Variants in NEB observed in about 807,000 individuals in gnomAD.
NEB encodes nemaline myopathy type 2.
Under a neutral mutation model 952.2 loss-of-function variants are expected in NEB, and 512 were observed. The observed-to-expected ratio is 0.54, with a 90% confidence interval of 0.50 to 0.58. NEB has a LOEUF of 0.58. NEB is among the 20% of genes least tolerant of loss of function. The pLI is 0.00. For missense variants in NEB, 8,428 were observed against 9,231.1 expected (o/e 0.91, Z 3.56); for synonymous variants, 2,900 against 3,149.8 (o/e 0.92, Z 2.66).
intron 174 of NEB, 89 bp downstream of exon 174, chr2:151,494,072 G>T: frequency 8.6e-7 from 1 of 1,167,568 alleles, no homozygotes; most frequent in Non-Finnish European, 1.2e-6. Context: ...CATTTTGTTT[G>T]TTTTTAACCT....
chr2:151,704,120 T>C (rs2099690151), intron 13 of NEB, among the ~76,000 whole-genome samples: 4 of 72,958 alleles, frequency 5.5e-5, no homozygotes, highest in South Asian at 5.9e-4. Flanking sequence ...TACCCTGCCG[T>C]GTGAGGTGTC....
At chr2:151,657,118 G>T (rs1239922928) in intron 48 of NEB, among the ~76,000 whole-genome samples, 1 of 152,160 alleles carries the variant, frequency 6.6e-6, no homozygotes, top group Non-Finnish European at 1.5e-5. Flanking sequence ...TCCTTTTGGG[G>T]TTGCGTGTGC....
intron 13 of NEB, 100 bp from the exon 14 acceptor site, chr2:151,697,748 A>C: frequency 1.3e-6 from 1 of 799,130 alleles, no homozygotes; most frequent in Non-Finnish European, 2.0e-6. Flanking sequence ...TGAAGAAAAG[A>C]TATCGCCTGT....
chr2:151,619,977 G>A (rs1410793262), intron 72 of NEB, among the ~76,000 whole-genome samples: 1 of 152,034 alleles, frequency 6.6e-6, no homozygotes, highest in East Asian at 1.9e-4. Flanking sequence ...AGAATCATAT[G>A]TTGGCAAAAA....
At chr2:151,713,332 T>C (rs2099750389) in intron 10 of NEB, among the ~76,000 whole-genome samples, 2 of 152,294 alleles carry the variant, frequency 1.3e-5, no homozygotes, top group Non-Finnish European at 1.5e-5. Context: ...AAGTTATCCC[T>C]GCAGAAAAGG....
chr2:151,548,447 A>T, intron 130 of NEB, 32 bp from the exon 131 acceptor site: 2 of 1,359,274 alleles, frequency 1.5e-6, no homozygotes, highest in Non-Finnish European at 2.1e-6. Flanking sequence ...GAGATCAATG[A>T]TGGGTAAACA....
chr2:151,567,332 C>T lies in NEB; in HGVS notation c.17992G>A (p.Ala5998Thr), dbSNP rs2096450121. ...LYKEDYHKTK[A>T]KINIPADMVS... ...ATATCAGCAGGTATATTGATTTTGGCCTTTGTTTTGTGATAGTCCTCTTTG... is the reference window on the plus strand; with the variant it reads ...ATATCAGCAGGTATATTGATTTTGGTCTTTGTTTTGTGATAGTCCTCTTTG... The change falls in exon 114 of 182, where the codon GCC becomes ACC. Residue 5998 changes from alanine to threonine, a missense_variant. Transcript: ENST00000397345. 2 of 1,613,876 alleles carry T rather than the reference C, an allele frequency of 1.2e-6. No individual in the cohort carries two copies. The highest frequency in any genetic ancestry group is 1.7e-6 in the Non-Finnish European group (2 of 1,179,830).
At chr2:151,655,729 A>G in intron 50 of NEB, 88 bp downstream of exon 50, 1 of 1,368,324 alleles carries the variant, frequency 7.3e-7, no homozygotes, top group East Asian at 2.3e-5. Flanking sequence ...GGAATGATGG[A>G]CCTTAATTAG....
rs202050860 is a variant in NEB, at chr2:151,524,358, G to A, written c.22432C>T (p.Arg7478Cys). The change falls in exon 153 of 182, where the codon CGC becomes TGC. Residue 7478 changes from arginine (R) to cysteine (C), a missense_variant. This residue lies in a region of NEB where 3,374 missense variants were observed against 3,651.5 expected (regional missense o/e 0.92). Transcript: ENST00000397345. ...TTCTTGGCCATTTCTATGTCTGGGC[G>A]ACCGAGCATGCTTAAGCCATGGCTG... ...EGSHGLSMLG[R>C]PDIEMAKKAA... 1.4e-4 allele frequency: 227 copies of A among 1,613,718 alleles called. 1 individual carries two copies. Among genetic ancestry groups the A allele is most frequent in the African/African-American group, 2.8e-4 (21 of 74,912 alleles).
Position 151,644,059 on chromosome 2 carries a change from G to A in NEB, c.7715C>T (p.Pro2572Leu). 2 of 1,613,904 alleles carry A rather than the reference G, an allele frequency of 1.2e-6. No homozygotes were observed. The highest frequency in any genetic ancestry group is 1.7e-6 in the Non-Finnish European group (2 of 1,179,880). ...CACATGCATGGACCACATCATCTTG[G>A]GGTCATCTTCAATGTTCCGGGCACC... ...HIGARNIEDDPKMMWSMHVAK... is the reference protein window; with the variant it reads ...HIGARNIEDDLKMMWSMHVAK... The change falls in exon 57 of 182, where the codon CCC becomes CTC. Residue 2572 changes from proline to leucine, a missense_variant. By Grantham distance (98) the Pro-to-Leu change is moderately conservative. Transcript: ENST00000397345.
chr2:151,694,499 C>A, intron 19 of NEB, 23 bp downstream of exon 19: 1 of 1,613,606 alleles, frequency 6.2e-7, no homozygotes, highest in Non-Finnish European at 8.5e-7. Context: ...GCCAGCCTGT[C>A]CAGGTCCCCA....
In NEB at chr2:151,546,368, A is replaced by G. The variant is rs1202479825; in HGVS notation, c.20443T>C (p.Ser6815Pro). Residue 6815 changes from serine (S) to proline (P), a missense_variant, in exon 134 of 182, where the codon TCC (serine) becomes CCC (proline). Ser to Pro is a moderately conservative substitution (Grantham distance 74, BLOSUM62 -1). This residue lies in a region of NEB where 3,374 missense variants were observed against 3,651.5 expected (regional missense o/e 0.92). Transcript: ENST00000397345. ...ACCCAGAGCTTCCGCAGGTGCCGGG[A>G]GCGGACCATGTCAGGAGTGTCATAC... ...FLYDTPDMVR[S>P]RHLRKLWSNY... 1 of 1,612,992 alleles carries G rather than the reference A, an allele frequency of 6.2e-7. No individual in the cohort carries two copies. Among genetic ancestry groups the G allele is most frequent in the South Asian group, 1.1e-5 (1 of 90,932 alleles).
intron 13 of NEB, among the ~76,000 whole-genome samples, chr2:151,702,998 C>T (rs537940961): frequency 7.9e-5 from 12 of 151,886 alleles, no homozygotes; most frequent in East Asian, 3.9e-4. Context: ...TGGCTGGTAC[C>T]GGTTGTTGCT....
chr2:151,629,011 C>T (rs569703584), intron 68 of NEB, among the ~76,000 whole-genome samples: 1 of 152,206 alleles, frequency 6.6e-6, no homozygotes, highest in Non-Finnish European at 1.5e-5. Flanking sequence ...TTGTTTTCCT[C>T]GTCTTTGTCT....
chr2:151,538,321 C>T, intron 138 of NEB, 77 bp from the exon 139 acceptor site: 1 of 1,056,516 alleles, frequency 9.5e-7, no homozygotes, highest in Admixed American at 1.8e-5. Flanking sequence ...CATGAACTCT[C>T]TTGTCTTCTC....
intron 159 of NEB, 80 bp downstream of exon 159, chr2:151,514,238 T>G (rs2076354562): frequency 1.0e-6 from 1 of 957,604 alleles, no homozygotes; most frequent in Non-Finnish European, 1.7e-6. Context: ...CTGTTTTTGT[T>G]TTGCTTTTTC....
At position 151,507,103 on chromosome 2, in the gene NEB, C is replaced by T. The variant is rs1575478170; in HGVS notation, c.23452-90G>A. 9.9e-6 allele frequency: 8 copies of T among 809,806 alleles called. No individual in the cohort carries two copies. The East Asian group carries it at 1.5e-4, about 15-fold the overall frequency. The allele number at this position is 809,806 out of a possible 1,614,324, so 50.2% of individuals were successfully genotyped here. A position where few individuals can be genotyped will look rare whatever the true frequency, so the allele number is the denominator to read the frequency against. On this transcript the variant is annotated intron_variant, in intron 162 of 181. Transcript: ENST00000397345. ...ATATTATGTGAAGAAAATTAAAATC[C>T]TGTATCTTTAAAAAAAAGTCTATGC...
chr2:151,547,494 T>A lies in NEB; in HGVS notation c.20302A>T (p.Met6768Leu), dbSNP rs780579848. ...TGGGGTGTGTATGGCAGAGAGATCATGTGGCCCTGCATCTTGAAGAAGTCT... is the reference window on the plus strand; with the variant it reads ...TGGGGTGTGTATGGCAGAGAGATCAAGTGGCCCTGCATCTTGAAGAAGTCT... The part of the protein sequence containing the change: ...KSDFFKMQGH[M>L]ISLPYTPQVI... Residue 6768 changes from methionine (M) to leucine (L), a missense_variant, in exon 133 of 182, where the codon ATG (methionine) becomes TTG (leucine). Met to Leu is a conservative substitution (Grantham distance 15). Around this residue, in one of 11 missense-constraint regions of NEB, gnomAD observed 3,374 missense variants for 3,651.5 expected, o/e 0.92. Transcript: ENST00000397345. 35 of 1,607,560 alleles carry A rather than the reference T, an allele frequency of 2.2e-5. No individual in the cohort carries two copies. The highest frequency in any genetic ancestry group is 2.8e-5 in the Non-Finnish European group (33 of 1,177,136).
chr2:151,573,068 A>G (rs1170122069), intron 107 of NEB, among the ~76,000 whole-genome samples: 1 of 152,202 alleles, frequency 6.6e-6, no homozygotes, highest in Non-Finnish European at 1.5e-5. Flanking sequence ...GTTACCCATA[A>G]AATCACATAC....
Sources: gnomAD v4.1 joint callset for allele counts (sites outside exome capture counted in the v4.1 genomes callset) on GRCh38, gnomAD v4.1.1 for gene constraint, gnomAD v4.1.1 regional missense constraint, MANE v1.5 for transcripts, NCBI Gene and HGNC (gene_info 2026-07-23, HGNC 2026-07-21) for gene names.